Variants in NOM1 observed in about 807,000 individuals in gnomAD.
NOM1 encodes nucleolar MIF4G domain-containing protein 1.
Under a neutral mutation model 73.3 loss-of-function variants are expected in NOM1, and 58 were observed. The ratio of observed to expected loss-of-function variants is 0.79; its 90% CI spans 0.64 to 0.99. NOM1 has a LOEUF of 0.99. Among genes scored for constraint, NOM1 ranks in the 50% least tolerant of loss-of-function variants. The pLI, the probability that NOM1 is intolerant of heterozygous loss-of-function variation, is 0.00. For synonymous variants in NOM1, 487 were observed against 446.8 expected (o/e 1.09, Z -1.14); for missense variants, 1,226 against 1,131.9 (o/e 1.08, Z -1.19).
At chr7:156,966,013 GA>G in intron 7 of NOM1, 1 of 507,358 alleles carries the variant, frequency 2.0e-6, no homozygotes, top group South Asian at 2.9e-5. Context: ...CACAGCTGTC[GA>G]CTTTTGCAGC....
chr7:156,956,996 C>T (rs558554676), intron 3 of NOM1, among the ~76,000 whole-genome samples: 5 of 151,188 alleles, frequency 3.3e-5, no homozygotes, highest in African/African-American at 9.7e-5. Context: ...AGCCACAGAC[C>T]GTGACCACCC....
At chr7:156,962,588 G>C (rs548482250) in intron 5 of NOM1, among the ~76,000 whole-genome samples, 58 of 152,306 alleles carry the variant, frequency 3.8e-4, no homozygotes, top group African/African-American at 1.4e-3. Context: ...CAAGGAAATT[G>C]GGATGACGTA....
rs1445474214 is a variant in NOM1 at position 156,954,082 on chromosome 7, T to C, written c.1113-21T>C. 1.9e-6 allele frequency: 3 copies of C among 1,586,804 alleles called. No individual in the cohort carries two copies. The East Asian group carries it at 6.7e-5, about 36-fold the overall frequency. On this transcript the variant is annotated intron_variant, in intron 2 of 10. Coordinates refer to ENST00000275820, the MANE Select transcript of NOM1 (RefSeq NM_138400.2). ...CCTAATTGGAAACATTGTTGCTCTCTGTCTTTACAATTCTCTGCAGGTTGA... is the reference window on the plus strand; with the variant it reads ...CCTAATTGGAAACATTGTTGCTCTCCGTCTTTACAATTCTCTGCAGGTTGA...
At chr7:156,968,533 T>C (rs931848415) in intron 9 of NOM1, among the ~76,000 whole-genome samples, 3 of 152,118 alleles carry the variant, frequency 2.0e-5, no homozygotes, top group Non-Finnish European at 4.4e-5. Context: ...TGGGTCCACG[T>C]TGGCGCCCGT....
chr7:156,955,145 C>A (rs953950487), intron 3 of NOM1, among the ~76,000 whole-genome samples: 3 of 152,180 alleles, frequency 2.0e-5, no homozygotes, highest in African/African-American at 7.2e-5. Flanking sequence ...AAATGTCCAC[C>A]CCACCCCCAC....
At position 156,964,301 on chromosome 7, in the gene NOM1, T is replaced by G. The variant is rs115539117; in HGVS notation, c.2033+275T>G. 1,295 of 202,648 alleles carry G rather than the reference T, an allele frequency of 6.4e-3. 20 individuals carry two copies. Among genetic ancestry groups the G allele is most frequent in the African/African-American group, 0.028 (1,197 of 43,224 alleles). The allele number at this position is 202,648 out of a possible 1,614,324, so 12.6% of individuals were successfully genotyped here. ...TTTTTTTTGAGACAGGGTCTTGCCATGTTGCTCAGGCTGGAGACTGGGGAG... is the reference window on the plus strand; with the variant it reads ...TTTTTTTTGAGACAGGGTCTTGCCAGGTTGCTCAGGCTGGAGACTGGGGAG... On this transcript the variant is annotated intron_variant, in intron 7 of 10. Transcript: ENST00000275820.
At chr7:156,952,707 G>T (rs1237121214) in intron 2 of NOM1, 109 bp downstream of exon 2, 4 of 1,223,510 alleles carry the variant, frequency 3.3e-6, no homozygotes, top group Non-Finnish European at 4.6e-6. Flanking sequence ...CAGTCGATTG[G>T]ATCCTTTCTG....
At position 156,963,050 on chromosome 7, in the gene NOM1, T is replaced by C. The variant is rs772236340; in HGVS notation, c.1786T>C (p.Ser596Pro). The C allele has an allele frequency of 6.2e-7, 1 of 1,614,184 alleles. No homozygotes were observed. Among genetic ancestry groups the C allele is most frequent in the South Asian group, 1.1e-5 (1 of 91,086 alleles). ...AGGTTCTGAGACGCAGCTTCGCGTC[T>C]CCTGGGACAGTGTCTTGAGTGCGGA... ...GSGSETQLRV[S>P]WDSVLSAEQT... The change falls in exon 6 of 11, where the codon TCC becomes CCC. Residue 596 changes from serine to proline, a missense_variant. By Grantham distance (74) the Ser-to-Pro change is moderately conservative. Coordinates refer to ENST00000275820, the MANE Select transcript of NOM1 (RefSeq NM_138400.2).
rs777196270 is a variant in NOM1 at position 156,962,261 on chromosome 7, G to A, written c.1743G>A (p.Leu581=). ...AGCTGAGGAAACTGCAGAGAGCTTT[G>A]GTGAGTCAAGGAACTTTCAATTCTG... ...VEKLRKLQRA[L]VRNAGSGSET... Residue 581 remains leucine (L), a splice_region_variant and synonymous_variant, in exon 5 of 11, where the codon TTG becomes TTA. Coordinates refer to ENST00000275820, the MANE Select transcript of NOM1 (RefSeq NM_138400.2). 5 of 1,610,516 alleles carry A rather than the reference G, an allele frequency of 3.1e-6. No individual in the cohort carries two copies. The highest frequency in any genetic ancestry group is 3.4e-6 in the Non-Finnish European group (4 of 1,176,716).
rs1333165776 is a variant in NOM1 at position 156,969,974 on chromosome 7, G to A, written c.*271G>A. ...GTTCTCTAAGCAGTGAGGCTGGTGT[G>A]TATGATTGTCTTAAAATTTTTTAAT... On this transcript the variant is annotated 3_prime_UTR_variant, in exon 11 of 11. Transcript: ENST00000275820. 4.2e-6 allele frequency: 1 copy of A among 235,734 alleles called. No individual in the cohort carries two copies. Among genetic ancestry groups the A allele is most frequent in the Non-Finnish European group, 8.2e-6 (1 of 122,270 alleles). The allele number at this position is 235,734 out of a possible 1,614,324, so 14.6% of individuals were successfully genotyped here.
chr7:156,965,569 AG>A (rs1276000381), intron 7 of NOM1, among the ~76,000 whole-genome samples: 1 of 152,210 alleles, frequency 6.6e-6, no homozygotes, highest in Non-Finnish European at 1.5e-5. Context: ...ATCCACACTC[AG>A]GACTCTACAC....
chr7:156,971,135 T>TA lies in NOM1; in HGVS notation c.*1432_*1433insA, dbSNP rs1368726018. 4.6e-5 allele frequency: 7 copies of TA among 152,376 alleles called. No individual in the cohort carries two copies. In the Middle Eastern group the frequency reaches 0.01, roughly 222 times the overall value. 9.4% of individuals were successfully genotyped at this position (152,376 alleles called of 1,614,324 possible). On this transcript the variant is annotated 3_prime_UTR_variant, in exon 11 of 11. Transcript: ENST00000275820. The stretch of plus-strand genomic sequence containing the variant: ...GTATTGCAGATACCCAAATGTTTAT[T>TA]GTTTTCTCAGCCCTTCAATTTTGCT...
chr7:156,950,151 C>G lies in NOM1; in HGVS notation c.414C>G (p.Pro138=), dbSNP rs754821782. The G allele has an allele frequency of 7.6e-6, 12 of 1,585,934 alleles. No homozygotes were observed. The highest frequency in any genetic ancestry group is 1.7e-4 in the Middle Eastern group (1 of 5,906). ...CCCGCCCAGCCCCTAGTCGGGACCC[C>G]TCGCCTCCCAGGAAGCCGCGGCCGT... ...ERARPAPSRD[P]SPPRKPRPSR... The change falls in exon 1 of 11, where the codon CCC becomes CCG. Residue 138 remains proline (P), a synonymous_variant. Transcript: ENST00000275820.
chr7:156,953,036 G>A (rs1267147529), intron 2 of NOM1, among the ~76,000 whole-genome samples: 3 of 152,336 alleles, frequency 2.0e-5, no homozygotes, highest in African/African-American at 4.8e-5. Flanking sequence ...AACCATACAG[G>A]TGGGGCTTTG....
chr7:156,963,747 C>A, intron 6 of NOM1, 158 bp from the exon 7 acceptor site: 1 of 719,716 alleles, frequency 1.4e-6, no homozygotes, highest in Non-Finnish European at 2.2e-6. Context: ...ATGTGTTCCC[C>A]TTGCACAGAG....
At position 156,963,158 on chromosome 7, in the gene NOM1, A is replaced by T; in HGVS notation, c.1894A>T (p.Lys632Ter). The T allele has an allele frequency of 6.2e-7, 1 of 1,614,066 alleles. No individual in the cohort carries two copies. Among genetic ancestry groups the T allele is most frequent in the Non-Finnish European group, 8.5e-7 (1 of 1,180,022 alleles). Residue 632 changes from lysine to a stop codon, truncating the protein, a stop_gained, in exon 6 of 11, where the codon AAG becomes TAG. Coordinates refer to ENST00000275820, the MANE Select transcript of NOM1 (RefSeq NM_138400.2). LOFTEE classifies it high-confidence loss of function. ...IDNSHHTHLQ[K>*]QLVGTVSSKI... ...CAACAGTCACCATACGCACCTGCAG[A>T]AGCAGCTTGTGGGGACGGTAGGGAC...
chr7:156,964,250 A>T, intron 7 of NOM1: 1 of 294,574 alleles, frequency 3.4e-6, no homozygotes, highest in Non-Finnish European at 6.3e-6. Flanking sequence ...ATTTTATGAT[A>T]TATAAAGATT....
At position 156,969,700 on chromosome 7, in the gene NOM1, G is replaced by A. The variant is rs1368914477; in HGVS notation, c.2580G>A (p.Met860Ile). The change falls in exon 11 of 11, where the codon ATG becomes ATA. Residue 860 changes from methionine (M) to isoleucine (I), a missense_variant. By Grantham distance (10) the Met-to-Ile change is conservative (BLOSUM62 1). Transcript: ENST00000275820. ...TGCAAGGAAAAGCTTCCCTGAGAAT[G>A]TAGTCAGGGAAGGAAGGAGGGCAGG... ...KCLQGKASLR[M>I] 1.2e-6 allele frequency: 2 copies of A among 1,607,268 alleles called. No homozygotes were observed. Among genetic ancestry groups the A allele is most frequent in the African/African-American group, 1.3e-5 (1 of 74,932 alleles).
chr7:156,967,230 C>A, intron 9 of NOM1, 138 bp downstream of exon 9: 2 of 1,046,334 alleles, frequency 1.9e-6, no homozygotes, highest in Non-Finnish European at 2.7e-6. Flanking sequence ...ATTATCCTAG[C>A]CAGGACAGAA....
Sources: allele counts gnomAD v4.1 joint callset (sites outside exome capture counted in the v4.1 genomes callset), GRCh38; gene constraint gnomAD v4.1.1; transcripts MANE v1.5; gene names NCBI Gene and HGNC (gene_info 2026-07-23, HGNC 2026-07-21).